Variants in PDE4B observed in about 807,000 individuals in gnomAD.
The protein encoded by PDE4B is phosphodiesterase 4B, also known as 3',5'-cyclic-AMP phosphodiesterase 4B.
A neutral mutation model predicts 82.2 loss-of-function variants in PDE4B; 20 were observed. The observed-to-expected ratio is 0.24, with a 90% CI of 0.17 to 0.35. The LOEUF (loss-of-function observed/expected upper bound fraction) is 0.35, where lower values mean the gene tolerates loss of function less well. Ranked by LOEUF, PDE4B falls within the 10% of genes least tolerant of loss-of-function variation. The pLI is 1.00. For synonymous variants in PDE4B, 320 were observed against 318.9 expected (o/e 1.00, Z -0.04); for missense variants, 655 against 907.2 (o/e 0.72, Z 3.57).
chr1:65,981,487 G>A (rs1249702610), intron 3 of PDE4B, among the ~76,000 whole-genome samples: 1 of 151,040 alleles, frequency 6.6e-6, no homozygotes, highest in Non-Finnish European at 1.5e-5. Context: ...GGAGTTAATA[G>A]GTTTTTAATA....
Position 65,792,898 on chromosome 1 carries a change from G to A in PDE4B, c.-421G>A, listed in dbSNP as rs967365991. Reference sequence around the variant, plus strand: ...GGGAGAGGGGGTTTAAAGGGCCAGAGGACGAGAGAAGAGCTGAGGGGCGCG... The same window carrying A: ...GGGAGAGGGGGTTTAAAGGGCCAGAAGACGAGAGAAGAGCTGAGGGGCGCG... On this transcript the variant is annotated 5_prime_UTR_variant, in exon 1 of 17. Coordinates refer to ENST00000341517, the MANE Select transcript of PDE4B (RefSeq NM_002600.4). Among the ~76,000 whole-genome samples the A allele has an allele frequency of 1.3e-5, 2 of 151,984 alleles. No individual in the cohort carries two copies. Among genetic ancestry groups the A allele is most frequent in the African/African-American group, 4.8e-5 (2 of 41,400 alleles).
intron 3 of PDE4B, among the ~76,000 whole-genome samples, chr1:66,143,258 C>T (rs574612769): frequency 2.6e-5 from 4 of 152,304 alleles, no homozygotes; most frequent in Non-Finnish European, 4.4e-5. Flanking sequence ...CATTTATACA[C>T]CAAAATGCAG....
intron 1 of PDE4B, among the ~76,000 whole-genome samples, chr1:65,907,932 A>T (rs1355590795): frequency 6.6e-6 from 1 of 152,172 alleles, no homozygotes; most frequent in Admixed American, 6.6e-5. Flanking sequence ...AAGGATAGAC[A>T]TACACAAGGG....
intron 3 of PDE4B, among the ~76,000 whole-genome samples, chr1:66,202,744 G>T (rs28793311): frequency 0.47 from 70,680 of 151,110 alleles, 16,652 homozygotes; most frequent in African/African-American, 0.53. Flanking sequence ...CGTGTGTCTC[G>T]GCACGTGAGA....
At chr1:65,886,224 T>C (rs1022224329) in intron 1 of PDE4B, among the ~76,000 whole-genome samples, 1 of 152,076 alleles carries the variant, frequency 6.6e-6, no homozygotes, top group Non-Finnish European at 1.5e-5. Context: ...TTATACAAAC[T>C]ATTATTTTTT....
intron 16 of PDE4B, among the ~76,000 whole-genome samples, chr1:66,371,712 A>G (rs1182882273): frequency 1.3e-5 from 2 of 152,230 alleles, no homozygotes; most frequent in Non-Finnish European, 2.9e-5. Flanking sequence ...AGCCAAAAGC[A>G]TTCCACAGAA....
chr1:66,267,820 G>A (rs1655165849), intron 7 of PDE4B, among the ~76,000 whole-genome samples: 1 of 152,176 alleles, frequency 6.6e-6, no homozygotes, highest in African/African-American at 2.4e-5. Flanking sequence ...AAAGGAAGGA[G>A]GAGACACACA....
At chr1:66,056,005 A>C (rs934476826) in intron 3 of PDE4B, among the ~76,000 whole-genome samples, 2 of 152,198 alleles carry the variant, frequency 1.3e-5, no homozygotes, top group Non-Finnish European at 1.5e-5. Context: ...CTTCCCTAGA[A>C]CAAAATTTAT....
chr1:66,029,796 A>T (rs1178563813), intron 3 of PDE4B, among the ~76,000 whole-genome samples: 1 of 152,158 alleles, frequency 6.6e-6, no homozygotes, highest in African/African-American at 2.4e-5. Flanking sequence ...TGAATTTAGG[A>T]TGAATTTGAT....
intron 3 of PDE4B, among the ~76,000 whole-genome samples, chr1:66,215,996 A>G (rs1650424363): frequency 6.6e-6 from 1 of 152,084 alleles, no homozygotes; most frequent in Non-Finnish European, 1.5e-5. Context: ...AAGTGCTTGC[A>G]AAGTCATGGG....
chr1:66,342,168 C>A (rs531210506), intron 8 of PDE4B, among the ~76,000 whole-genome samples: 1 of 151,908 alleles, frequency 6.6e-6, no homozygotes, highest in Non-Finnish European at 1.5e-5. Context: ...GAAAATGACT[C>A]GAGGAATTGA....
chr1:66,192,853 C>A (rs1354021646), intron 3 of PDE4B, among the ~76,000 whole-genome samples: 1 of 152,048 alleles, frequency 6.6e-6, no homozygotes, highest in African/African-American at 2.4e-5. Context: ...TTTGCCAGGC[C>A]TGTGTTAAGC....
chr1:66,336,233 C>T (rs1385705805), intron 8 of PDE4B, among the ~76,000 whole-genome samples: 1 of 152,158 alleles, frequency 6.6e-6, no homozygotes, highest in Non-Finnish European at 1.5e-5. Context: ...CTGTCTCCTT[C>T]CTGACAGACG....
intron 3 of PDE4B, among the ~76,000 whole-genome samples, chr1:66,082,717 A>T (rs1656807419): frequency 6.6e-6 from 1 of 151,956 alleles, no homozygotes; most frequent in Non-Finnish European, 1.5e-5. Context: ...TGTGGTAGTC[A>T]TTAATAATAT....
chr1:66,144,692 A>C (rs1363558609), intron 3 of PDE4B, among the ~76,000 whole-genome samples: 1 of 152,206 alleles, frequency 6.6e-6, no homozygotes, highest in Non-Finnish European at 1.5e-5. Context: ...GCTCCAAAAG[A>C]CTTCTGGTCC....
intron 1 of PDE4B, among the ~76,000 whole-genome samples, chr1:65,842,817 G>A (rs1646223729): frequency 6.6e-6 from 1 of 152,156 alleles, no homozygotes; most frequent in Admixed American, 6.6e-5. Flanking sequence ...ATGTTACATG[G>A]TAATAGAGTT....
chr1:65,813,830 C>T (rs1645846603), intron 1 of PDE4B, among the ~76,000 whole-genome samples: 1 of 141,814 alleles, frequency 7.1e-6, no homozygotes, highest in African/African-American at 2.6e-5. Flanking sequence ...GTTAGAAATA[C>T]TGAATTTGAA....
intron 1 of PDE4B, among the ~76,000 whole-genome samples, chr1:65,868,180 A>C (rs1646532932): frequency 6.6e-6 from 1 of 152,176 alleles, no homozygotes; most frequent in Non-Finnish European, 1.5e-5. Context: ...TCTCTGCTCC[A>C]AGCTGATTGC....
intron 3 of PDE4B, among the ~76,000 whole-genome samples, chr1:66,220,735 GA>G (rs1650913003): frequency 6.6e-6 from 1 of 152,130 alleles, no homozygotes; most frequent in South Asian, 2.1e-4. Flanking sequence ...TCAAGCTTTA[GA>G]AAGGTGCCTT....
Sources: gnomAD v4.1 joint callset for allele counts (sites outside exome capture counted in the v4.1 genomes callset) on GRCh38, gnomAD v4.1.1 for gene constraint, MANE v1.5 for transcripts, NCBI Gene and HGNC (gene_info 2026-07-23, HGNC 2026-07-21) for gene names.